Variants in PC observed in about 807,000 individuals in gnomAD.
PC encodes the protein pyruvate carboxylase, mitochondrial.
Under a neutral mutation model 107.8 loss-of-function variants are expected in PC, and 46 were observed. That is an observed-to-expected ratio of 0.43 (90% CI 0.34 to 0.55). The LOEUF (loss-of-function observed/expected upper bound fraction) is 0.55. PC is among the 20% of genes least tolerant of loss of function. The pLI is 0.04. For synonymous variants in PC, 662 were observed against 684.7 expected, an observed-to-expected ratio of 0.97 and a Z score of 0.52; for missense variants, 1,241 against 1,643.1, an observed-to-expected ratio of 0.76 and a Z score of 4.23.
At chr11:66,898,704 A>T (rs1268254876) in intron 3 of PC, among the ~76,000 whole-genome samples, 1 of 152,096 alleles carries the variant, frequency 6.6e-6, no homozygotes, top group Non-Finnish European at 1.5e-5. Context: ...GTGCAATTCA[A>T]TGGCTTTTTA....
At chr11:66,912,005 C>T (rs1948348416) in intron 3 of PC, among the ~76,000 whole-genome samples, 1 of 151,428 alleles carries the variant, frequency 6.6e-6, no homozygotes, top group Admixed American at 6.6e-5. Flanking sequence ...TGCACTCCAG[C>T]CTGGGCAACA....
chr11:66,860,147 C>T, intron 12 of PC: 1 of 1,549,044 alleles, frequency 6.5e-7, no homozygotes, highest in Non-Finnish European at 8.7e-7. Flanking sequence ...GGGCAGGGTG[C>T]CGGGGGGTAG....
In PC at chr11:66,858,047, C is replaced by T. The variant is rs1425167051; in HGVS notation, c.1369-4664G>A. On this transcript the variant is annotated intron_variant, in intron 12 of 22. Transcript: ENST00000393960. The surrounding 1 kb of genome is among the most constrained non-coding windows in gnomAD (Gnocchi z 5.9). ...GGGACCTCGAGAGCCTGCGTTCCCT[C>T]CACCTTGACGGCAACAGGCTGGTGG... is the stretch of plus-strand genomic sequence containing the variant. 6.2e-6 allele frequency: 10 copies of T among 1,610,806 alleles called. No homozygotes were observed. Among genetic ancestry groups the T allele is most frequent in the Non-Finnish European group, 7.6e-6 (9 of 1,179,210 alleles).
intron 3 of PC, among the ~76,000 whole-genome samples, chr11:66,950,942 G>A (rs1949420517): frequency 6.6e-6 from 1 of 152,004 alleles, no homozygotes; most frequent in South Asian, 2.1e-4. Flanking sequence ...CAAGCAGAGA[G>A]AGAACAAGGG....
Position 66,863,758 on chromosome 11 carries a change from G to A in PC, c.1368+16C>T, listed in dbSNP as rs780795920. 6.2e-7 allele frequency: 1 copy of A among 1,600,920 alleles called. No homozygotes were observed. Among genetic ancestry groups the A allele is most frequent in the African/African-American group, 1.3e-5 (1 of 74,804 alleles). On this transcript the variant is annotated intron_variant, in intron 12 of 22. Coordinates refer to ENST00000393960, the MANE Select transcript of PC (RefSeq NM_001040716.2). ...AGGGCCGGGAGCAAAGGCAGGCGGG[G>A]GCTGCAGCCTCTCACCTTCACACCT...
intron 3 of PC, among the ~76,000 whole-genome samples, chr11:66,945,937 T>A (rs1320399617): frequency 6.7e-6 from 1 of 149,246 alleles, no homozygotes; most frequent in Non-Finnish European, 1.5e-5. Flanking sequence ...ATACAAAAAA[T>A]TAGCAGGGCG....
chr11:66,903,147 A>G (rs2136048848), intron 3 of PC, among the ~76,000 whole-genome samples: 1 of 152,236 alleles, frequency 6.6e-6, no homozygotes, highest in East Asian at 1.9e-4. Flanking sequence ...AGAGTCGGGG[A>G]CCTGCGGTGG....
At chr11:66,899,376 T>C (rs764441785) in intron 3 of PC, among the ~76,000 whole-genome samples, 6 of 152,172 alleles carry the variant, frequency 3.9e-5, no homozygotes, top group Non-Finnish European at 8.8e-5. Context: ...GCATATACGA[T>C]GGTGGTCCCA....
At chr11:66,863,625 T>G (rs566120119) in intron 12 of PC, 149 bp downstream of exon 12, 5 of 839,088 alleles carry the variant, frequency 6.0e-6, no homozygotes, top group Non-Finnish European at 9.3e-6. Flanking sequence ...GGCGTGCAGC[T>G]GCAGCCAAGG....
At chr11:66,943,950 T>G (rs1591312413) in intron 3 of PC, among the ~76,000 whole-genome samples, 1 of 135,534 alleles carries the variant, frequency 7.4e-6, no homozygotes, top group Admixed American at 7.6e-5. Context: ...CCAGCCTGAG[T>G]GATAATAGCG....
At chr11:66,902,362 T>C (rs1309045849) in intron 3 of PC, among the ~76,000 whole-genome samples, 2 of 152,216 alleles carry the variant, frequency 1.3e-5, no homozygotes, top group Non-Finnish European at 2.9e-5. Flanking sequence ...GCTGATCATT[T>C]GTGTGAGCTG....
chr11:66,884,244 CA>C (rs533552926), intron 3 of PC, among the ~76,000 whole-genome samples: 3,207 of 86,426 alleles, frequency 0.037, 104 homozygotes, highest in African/African-American at 0.1. Context: ...AACTCCATCT[CA>C]AAAAAAAAAA....
chr11:66,915,869 T>A (rs756514755), intron 3 of PC, among the ~76,000 whole-genome samples: 1 of 152,218 alleles, frequency 6.6e-6, no homozygotes, highest in Non-Finnish European at 1.5e-5. Context: ...CTCCCTTCTT[T>A]CTTCGTCCTT....
At chr11:66,908,698 C>T (rs555497374) in intron 3 of PC, among the ~76,000 whole-genome samples, 59 of 152,214 alleles carry the variant, frequency 3.9e-4, no homozygotes, top group Non-Finnish European at 4.0e-4. Context: ...CATGGTTCGG[C>T]GCGCTCACTG....
intron 3 of PC, among the ~76,000 whole-genome samples, chr11:66,920,214 G>A (rs1200604766): frequency 3.3e-5 from 5 of 152,092 alleles, no homozygotes; most frequent in South Asian, 4.2e-4. Flanking sequence ...AGGCCAACAC[G>A]ATGAATCCAG....
chr11:66,850,244 G>A lies in PC; in HGVS notation c.2694C>T (p.Asn898=). 6.2e-7 allele frequency: 1 copy of A among 1,614,074 alleles called. No homozygotes were observed. The highest frequency in any genetic ancestry group is 8.5e-7 in the Non-Finnish European group (1 of 1,180,026). Reference sequence around the variant, plus strand: ...CCTTGATGAGATCGCCCAGCATCTGGTTGGCCTCCACATAGGCCTTCTTGA... The same window carrying A: ...CCTTGATGAGATCGCCCAGCATCTGATTGGCCTCCACATAGGCCTTCTTGA... ...KEVKKAYVEA[N]QMLGDLIKVT... The change falls in exon 19 of 23, where the codon AAC becomes AAT. Residue 898 remains asparagine, a synonymous_variant. Coordinates refer to ENST00000393960, the MANE Select transcript of PC (RefSeq NM_001040716.2).
intron 3 of PC, among the ~76,000 whole-genome samples, chr11:66,941,418 C>CA (rs1949126468): frequency 6.6e-6 from 1 of 152,174 alleles, no homozygotes; most frequent in South Asian, 2.1e-4. Context: ...CATAATAGCT[C>CA]AAACATGGAA....
intron 3 of PC, among the ~76,000 whole-genome samples, chr11:66,937,771 G>GGTTT (rs1949034052): frequency 6.8e-6 from 1 of 146,754 alleles, no homozygotes; most frequent in Admixed American, 6.7e-5. Context: ...GAATTTCTGG[G>GGTTT]TTTTTTTTGT....
chr11:66,866,453 T>A lies in PC; in HGVS notation c.1023-104A>T. The A allele has an allele frequency of 1.2e-6, 1 of 816,468 alleles. No homozygotes were observed. The highest frequency in any genetic ancestry group is 2.0e-6 in the Non-Finnish European group (1 of 503,816). 50.6% of individuals were successfully genotyped at this position (816,468 alleles called of 1,614,324 possible). On this transcript the variant is annotated intron_variant, in intron 10 of 22. Transcript: ENST00000393960. The surrounding 1 kb of genome is among the most constrained non-coding windows in gnomAD (Gnocchi z 5.4). Reference sequence around the variant, plus strand: ...CAGCCAGTGGGGCGTCCACACACAGTGCGACTCCTGCCCATAGGCTCTGGG... The same window carrying A: ...CAGCCAGTGGGGCGTCCACACACAGAGCGACTCCTGCCCATAGGCTCTGGG...
Sources: gnomAD v4.1 joint callset for allele counts (sites outside exome capture counted in the v4.1 genomes callset) on GRCh38, gnomAD v4.1.1 for gene constraint, Gnocchi (gnomAD v3.1) non-coding constraint, MANE v1.5 for transcripts, NCBI Gene and HGNC (gene_info 2026-07-23, HGNC 2026-07-21) for gene names.